Variants in ANKS1B observed in about 807,000 individuals in gnomAD.
ANKS1B encodes the protein ankyrin repeat and sterile alpha motif domain containing 1B.
In ANKS1B, 36 loss-of-function variants were observed where a neutral mutation model predicts 148.3. The ratio of observed to expected loss-of-function variants is 0.24; its 90% CI spans 0.19 to 0.32. ANKS1B has a LOEUF of 0.32. Among genes scored for constraint, ANKS1B ranks in the 10% least tolerant of loss-of-function variants. ANKS1B has a pLI of 1.00. For synonymous variants in ANKS1B, 542 were observed against 560.8 expected, an observed-to-expected ratio of 0.97 and a Z score of 0.47; for missense variants, 1,157 against 1,542.6, an observed-to-expected ratio of 0.75 and a Z score of 4.19.
At chr12:98,905,015 A>G (rs1389693299) in intron 17 of ANKS1B, among the ~76,000 whole-genome samples, 1 of 152,192 alleles carries the variant, frequency 6.6e-6, no homozygotes, top group African/African-American at 2.4e-5. Flanking sequence ...AATAATTAGC[A>G]GTTATAAGAC....
intron 14 of ANKS1B, among the ~76,000 whole-genome samples, chr12:99,239,501 T>C (rs1332516893): frequency 3.3e-5 from 5 of 152,194 alleles, no homozygotes; most frequent in African/African-American, 1.2e-4. Context: ...CTTCAGGATA[T>C]TATCTAGGAG....
chr12:99,359,237 TACAAAC>T (rs2092293776), intron 12 of ANKS1B, among the ~76,000 whole-genome samples: 1 of 152,176 alleles, frequency 6.6e-6, no homozygotes, highest in Non-Finnish European at 1.5e-5. Flanking sequence ...AGGCACTTGA[TACAAAC>T]TAGTCTACTA....
chr12:99,798,405 G>C (rs1406174603), intron 4 of ANKS1B, among the ~76,000 whole-genome samples: 2 of 145,190 alleles, frequency 1.4e-5, no homozygotes, highest in Non-Finnish European at 3.0e-5. Context: ...ACTTAGCCAC[G>C]TGGGCACCTC....
At chr12:98,947,076 T>C (rs985237784) in intron 17 of ANKS1B, among the ~76,000 whole-genome samples, 2 of 151,860 alleles carry the variant, frequency 1.3e-5, no homozygotes, top group South Asian at 2.1e-4. Flanking sequence ...GGAAGCTTGC[T>C]TGGGAATGTG....
chr12:99,213,870 G>T (rs2083722321), intron 14 of ANKS1B, among the ~76,000 whole-genome samples: 1 of 152,112 alleles, frequency 6.6e-6, no homozygotes, highest in Admixed American at 6.5e-5. Context: ...CAGGAGCAGG[G>T]GTAGGCTAGC....
intron 9 of ANKS1B, among the ~76,000 whole-genome samples, chr12:99,571,121 T>C (rs1044608796): frequency 2.0e-5 from 3 of 152,164 alleles, no homozygotes; most frequent in Non-Finnish European, 4.4e-5. Flanking sequence ...GAAGACTTTA[T>C]ATGTAATAGC....
intron 4 of ANKS1B, among the ~76,000 whole-genome samples, chr12:99,801,245 G>A (rs1315319275): frequency 6.6e-6 from 1 of 152,076 alleles, no homozygotes; most frequent in Non-Finnish European, 1.5e-5. Context: ...GTCCCAGGAG[G>A]AAGATAATAG....
intron 1 of ANKS1B, among the ~76,000 whole-genome samples, chr12:99,878,730 C>T (rs141513195): frequency 2.0e-3 from 308 of 152,104 alleles, no homozygotes; most frequent in African/African-American, 7.1e-3. Flanking sequence ...TTATTTTTTA[C>T]TTCTTTTTTA....
chr12:99,755,451 T>C (rs1264961014), intron 8 of ANKS1B, among the ~76,000 whole-genome samples: 1 of 151,964 alleles, frequency 6.6e-6, no homozygotes, highest in African/African-American at 2.4e-5. Flanking sequence ...ACTGAAACTA[T>C]TCCAAAAAAT....
intron 1 of ANKS1B, among the ~76,000 whole-genome samples, chr12:99,962,018 T>C (rs2095418757): frequency 6.6e-6 from 1 of 152,226 alleles, no homozygotes; most frequent in Non-Finnish European, 1.5e-5. Flanking sequence ...TTTAGATCCC[T>C]AGATGTTTTC....
intron 11 of ANKS1B, among the ~76,000 whole-genome samples, chr12:99,429,768 C>T (rs1594657893): frequency 1.3e-5 from 2 of 152,036 alleles, no homozygotes; most frequent in South Asian, 4.2e-4. Flanking sequence ...TTGAGACCAT[C>T]CTGGCTAACA....
chr12:99,216,885 G>C (rs1289563209), intron 14 of ANKS1B, among the ~76,000 whole-genome samples: 1 of 152,210 alleles, frequency 6.6e-6, no homozygotes, highest in Non-Finnish European at 1.5e-5. Flanking sequence ...AATGGTATGT[G>C]AGGAGGAATG....
intron 15 of ANKS1B, among the ~76,000 whole-genome samples, chr12:99,116,879 G>A (rs1303367553): frequency 6.6e-6 from 1 of 152,150 alleles, no homozygotes; most frequent in East Asian, 1.9e-4. Context: ...ATTTCCTTGA[G>A]CAGTGGTTTG....
chr12:99,970,530 T>G lies in ANKS1B; in HGVS notation c.134+13574A>C, dbSNP rs1014098892. Among the ~76,000 whole-genome samples the G allele has an allele frequency of 5.2e-4, 4 of 7,678 alleles. No homozygotes were observed. The Admixed American group carries it at 6.7e-3, about 13-fold the overall frequency. The allele number at this position is 7,678 out of a possible 152,430, so 5.0% of individuals were successfully genotyped here. A position where few individuals can be genotyped will look rare whatever the true frequency, so the allele number is the denominator to read the frequency against. On this transcript the variant is annotated intron_variant, in intron 1 of 26. Coordinates refer to ENST00000683438, the MANE Select transcript of ANKS1B (RefSeq NM_001352186.2). The stretch of plus-strand genomic sequence containing the variant: ...AAATGAATCACTAACACATTAAAAT[T>G]GAAAAAAAAAAACACATTGGATCCT...
chr12:99,419,994 C>CT (rs1418342419), intron 11 of ANKS1B, among the ~76,000 whole-genome samples: 1 of 152,176 alleles, frequency 6.6e-6, no homozygotes, highest in Non-Finnish European at 1.5e-5. Flanking sequence ...TAAGTCATCT[C>CT]TTTACTATTA....
intron 22 of ANKS1B, among the ~76,000 whole-genome samples, chr12:98,789,422 T>A (rs565851076): frequency 3.8e-4 from 58 of 151,184 alleles, no homozygotes; most frequent in African/African-American, 7.5e-4. Context: ...ATGTATAGTT[T>A]TTTTTTTTTT....
intron 17 of ANKS1B, among the ~76,000 whole-genome samples, chr12:98,953,543 T>G (rs1030656701): frequency 4.6e-5 from 4 of 86,206 alleles, no homozygotes; most frequent in African/African-American, 1.9e-4. Flanking sequence ...AGTGGTTTTT[T>G]TTTTTTTTTT....
Position 99,586,330 on chromosome 12 carries a change from C to T in ANKS1B, c.1272+68737G>A, listed in dbSNP as rs551735609. ...CCTTGCATAGCAAGAGTGACCTTTA[C>T]TCCAGTTCCCAACAAGTTCTTCATC... On this transcript the variant is annotated intron_variant, in intron 9 of 26. Coordinates refer to ENST00000683438, the MANE Select transcript of ANKS1B (RefSeq NM_001352186.2). Among the ~76,000 whole-genome samples the T allele has an allele frequency of 3.9e-5, 6 of 152,320 alleles. No individual in the cohort carries two copies. In the East Asian group the frequency reaches 1.2e-3, roughly 29 times the overall value.
intron 14 of ANKS1B, among the ~76,000 whole-genome samples, chr12:99,211,017 C>A (rs1443840613): frequency 2.6e-5 from 4 of 152,120 alleles, no homozygotes; most frequent in Admixed American, 1.3e-4. Context: ...ATGGCAAAAA[C>A]CACAATTATT....
Sources: allele counts gnomAD v4.1 joint callset (sites outside exome capture counted in the v4.1 genomes callset), GRCh38; gene constraint gnomAD v4.1.1; transcripts MANE v1.5; gene names NCBI Gene and HGNC (gene_info 2026-07-23, HGNC 2026-07-21).